The following PSKH1 variants were observed in gnomAD, a reference collection of about 807,000 sequenced individuals.
PSKH1 encodes the protein protein serine kinase H1, also known as serine/threonine-protein kinase H1.
In PSKH1, 12 loss-of-function variants were observed where a neutral mutation model predicts 26.7. The observed-to-expected ratio is 0.45, with a 90% CI of 0.29 to 0.73. The LOEUF is 0.73. PSKH1 is among the 30% of genes least tolerant of loss of function. The pLI, the probability that PSKH1 is intolerant of heterozygous loss-of-function variation, is 0.11. For missense variants in PSKH1, 431 were observed against 595.2 expected, an observed-to-expected ratio of 0.72 and a Z score of 2.87; for synonymous variants, 213 against 234.3, an observed-to-expected ratio of 0.91 and a Z score of 0.83.
intron 2 of PSKH1, among the ~76,000 whole-genome samples, chr16:67,923,847 C>T (rs2058209551): frequency 6.6e-6 from 1 of 152,244 alleles, no homozygotes; most frequent in Non-Finnish European, 1.5e-5. Flanking sequence ...GCTTCCCAGC[C>T]AGTCAGCCCT....
intron 2 of PSKH1, among the ~76,000 whole-genome samples, chr16:67,915,517 A>T: frequency 6.6e-6 from 1 of 151,948 alleles, no homozygotes; most frequent in Non-Finnish European, 1.5e-5. Context: ...GGCCCCACAA[A>T]ACCTGTTGAA....
chr16:67,894,404 T>A (rs1365500794), intron 1 of PSKH1, among the ~76,000 whole-genome samples: 2 of 152,220 alleles, frequency 1.3e-5, no homozygotes, highest in East Asian at 3.8e-4. Flanking sequence ...GCTCCTAACA[T>A]ATTGAGATTA....
chr16:67,927,264 C>T lies in PSKH1; in HGVS notation c.958-61C>T, dbSNP rs1237721399. On this transcript the variant is annotated intron_variant, in intron 2 of 2. Transcript: ENST00000291041. The surrounding 1 kb of genome is among the most constrained non-coding windows in gnomAD (Gnocchi z 5.5). ...GGGGAGGGTTGCTGAGTAGTGGCCTCATCCAGATGGGGTGGGCAGTGTCAG... is the reference window on the plus strand; with the variant it reads ...GGGGAGGGTTGCTGAGTAGTGGCCTTATCCAGATGGGGTGGGCAGTGTCAG... 6.7e-7 allele frequency: 1 copy of T among 1,503,224 alleles called. No homozygotes were observed. The highest frequency in any genetic ancestry group is 9.0e-7 in the Non-Finnish European group (1 of 1,105,810). The allele number at this position is 1,503,224 out of a possible 1,614,324, so 93.1% of individuals were successfully genotyped here.
rs2058168735 is a variant in PSKH1 at position 67,909,951 on chromosome 16, G to A, written c.957+245G>A. 2 of 566,164 alleles carry A rather than the reference G, an allele frequency of 3.5e-6. No homozygotes were observed. The highest frequency in any genetic ancestry group is 6.3e-6 in the Non-Finnish European group (2 of 317,854). The allele number at this position is 566,164 out of a possible 1,614,324, so 35.1% of individuals were successfully genotyped here. Reference sequence around the variant, plus strand: ...GATTTGAGTAACTAAAAGTGAAGGAGTGGGAAAAGTGAGGCAGGAAGGGAG... The same window carrying A: ...GATTTGAGTAACTAAAAGTGAAGGAATGGGAAAAGTGAGGCAGGAAGGGAG... On this transcript the variant is annotated intron_variant, in intron 2 of 2. Coordinates refer to ENST00000291041, the MANE Select transcript of PSKH1 (RefSeq NM_006742.3). The surrounding 1 kb of genome is among the most constrained non-coding windows in gnomAD (Gnocchi z 7.8).
intron 1 of PSKH1, among the ~76,000 whole-genome samples, chr16:67,908,095 C>T (rs575434816): frequency 6.0e-4 from 91 of 152,252 alleles, no homozygotes; most frequent in African/African-American, 1.5e-3. Flanking sequence ...TGAGGCTATG[C>T]GTGTTCCTGC....
intron 2 of PSKH1, among the ~76,000 whole-genome samples, chr16:67,924,869 G>A (rs2151315284): frequency 6.6e-6 from 1 of 152,264 alleles, no homozygotes; most frequent in African/African-American, 2.4e-5. Flanking sequence ...TGGGTGATGG[G>A]GGCTACAGTG....
At position 67,893,340 on chromosome 16, in the gene PSKH1, C is replaced by G. The variant is rs1321013263; in HGVS notation, c.-102C>G. On this transcript the variant is annotated 5_prime_UTR_variant, in exon 1 of 3. Transcript: ENST00000291041. Reference sequence around the variant, plus strand: ...GCCCGGAGATGGCCGGCAGAGCCGCCGAGACGCCGAAGAGCCCGCCGCCCG... The same window carrying G: ...GCCCGGAGATGGCCGGCAGAGCCGCGGAGACGCCGAAGAGCCCGCCGCCCG... 2 of 155,134 alleles carry G rather than the reference C, an allele frequency of 1.3e-5. No individual in the cohort carries two copies. Among genetic ancestry groups the G allele is most frequent in the East Asian group, 3.7e-4 (2 of 5,336 alleles). 9.6% of individuals were successfully genotyped at this position (155,134 alleles called of 1,614,324 possible).
Position 67,909,838 on chromosome 16 carries a change from C to T in PSKH1, c.957+132C>T, listed in dbSNP as rs1163672368. The T allele has an allele frequency of 1.3e-6, 1 of 789,632 alleles. No individual in the cohort carries two copies. The highest frequency in any genetic ancestry group is 1.7e-5 in the South Asian group (1 of 58,342). The allele number at this position is 789,632 out of a possible 1,614,324, so 48.9% of individuals were successfully genotyped here. On this transcript the variant is annotated intron_variant, in intron 2 of 2. Coordinates refer to ENST00000291041, the MANE Select transcript of PSKH1 (RefSeq NM_006742.3). The surrounding 1 kb of genome is among the most constrained non-coding windows in gnomAD (Gnocchi z 7.8). ...GGCCAGGCAGGTCATATAAAAGGGA[C>T]AAAGTGAGACTATCAGAATGTAGTT...
At chr16:67,903,432 A>C (rs2058147081) in intron 1 of PSKH1, among the ~76,000 whole-genome samples, 1 of 152,022 alleles carries the variant, frequency 6.6e-6, no homozygotes, top group South Asian at 2.1e-4. Flanking sequence ...GATTACAGGC[A>C]TGAGCCACTA....
In PSKH1 at chr16:67,924,525, G is replaced by A. The variant is rs1447445307; in HGVS notation, c.958-2800G>A. Among the ~76,000 whole-genome samples the A allele has an allele frequency of 3.3e-5, 5 of 152,208 alleles. No individual in the cohort carries two copies. In the East Asian group the frequency reaches 5.8e-4, roughly 18 times the overall value. On this transcript the variant is annotated intron_variant, in intron 2 of 2. Coordinates refer to ENST00000291041, the MANE Select transcript of PSKH1 (RefSeq NM_006742.3). ...GACTGGTTTGGAGTTTCAGGTCCAC[G>A]GTTTCGCTGGGTGTGGATGTGAAGT... is the stretch of plus-strand genomic sequence containing the variant.
At chr16:67,917,560 C>T (rs1255506027) in intron 2 of PSKH1, among the ~76,000 whole-genome samples, 4 of 152,218 alleles carry the variant, frequency 2.6e-5, no homozygotes, top group African/African-American at 9.7e-5. Flanking sequence ...TTTCTCTTGG[C>T]TTCTCCTGAG....
At position 67,908,697 on chromosome 16, in the gene PSKH1, C is replaced by T; in HGVS notation, c.-53C>T. 6.8e-7 allele frequency: 1 copy of T among 1,472,922 alleles called. No homozygotes were observed. Among genetic ancestry groups the T allele is most frequent in the Non-Finnish European group, 9.2e-7 (1 of 1,084,448 alleles). The allele number at this position is 1,472,922 out of a possible 1,614,324, so 91.2% of individuals were successfully genotyped here. A position where few individuals can be genotyped will look rare whatever the true frequency, so the allele number is the denominator to read the frequency against. ...GTGTGTAGGTGTAGACGGGGCACTG[C>T]CTTCAGAGCAGGTCCTGCCAGCCTC... On this transcript the variant is annotated 5_prime_UTR_variant, in exon 2 of 3. Transcript: ENST00000291041.
intron 1 of PSKH1, among the ~76,000 whole-genome samples, chr16:67,893,590 G>A (rs1208493574): frequency 9.2e-5 from 14 of 152,234 alleles, no homozygotes; most frequent in Non-Finnish European, 1.0e-4. Context: ...ACGTGCTGTC[G>A]TGCTGGATAG....
rs1236245758 is a variant in PSKH1 at position 67,908,978 on chromosome 16, C to T, written c.229C>T (p.Pro77Ser). The change falls in exon 2 of 3, where the codon CCA becomes TCA. Residue 77 changes from proline to serine, a missense_variant. Physicochemically the swap from Pro to Ser is moderately conservative, Grantham distance 74. Transcript: ENST00000291041. Reference sequence around the variant, plus strand: ...TGGCCACACGGAGCCTCCCTCAGAACCACCACGCAGGGCCAGGGTAGCTAA... The same window carrying T: ...TGGCCACACGGAGCCTCCCTCAGAATCACCACGCAGGGCCAGGGTAGCTAA... Reference protein sequence around the residue: ...TAGHTEPPSEPPRRARVAKYR... With the variant: ...TAGHTEPPSESPRRARVAKYR... 2 of 1,614,068 alleles carry T rather than the reference C, an allele frequency of 1.2e-6. No homozygotes were observed. Among genetic ancestry groups the T allele is most frequent in the African/African-American group, 1.3e-5 (1 of 75,068 alleles).
intron 2 of PSKH1, among the ~76,000 whole-genome samples, chr16:67,919,126 G>A (rs2058195246): frequency 1.3e-5 from 2 of 152,176 alleles, no homozygotes; most frequent in African/African-American, 4.8e-5. Context: ...AGCGCTGTCC[G>A]GGTGTCTGGA....
chr16:67,901,115 T>C (rs576600550), intron 1 of PSKH1, among the ~76,000 whole-genome samples: 1 of 152,172 alleles, frequency 6.6e-6, no homozygotes, highest in South Asian at 2.1e-4. Flanking sequence ...CAGCACCCTC[T>C]CTTCTCTACT....
chr16:67,929,600 C>T lies in PSKH1; in HGVS notation c.*1958C>T, dbSNP rs1134757. The T allele has an allele frequency of 2.7e-5, 8 of 295,278 alleles. No individual in the cohort carries two copies. The highest frequency in any genetic ancestry group is 1.5e-4 in the African/African-American group (7 of 47,338). The allele number at this position is 295,278 out of a possible 1,614,324, so 18.3% of individuals were successfully genotyped here. ...GGAGAATGTGCAGTTATTTATTATG[C>T]GTATTCAGTTTGTAAACGTATCCTC... On this transcript the variant is annotated 3_prime_UTR_variant, in exon 3 of 3. Coordinates refer to ENST00000291041, the MANE Select transcript of PSKH1 (RefSeq NM_006742.3).
In PSKH1 at chr16:67,927,609, C is replaced by T. The variant is rs1249789174; in HGVS notation, c.1242C>T (p.Leu414=). The change falls in exon 3 of 3, where the codon CTC becomes CTT. Residue 414 remains leucine (L), a synonymous_variant. Transcript: ENST00000291041. The surrounding 1 kb of genome is among the most constrained non-coding windows in gnomAD (Gnocchi z 5.5). ...TGCGGGAACGGGAGCTGCGGGAGCT[C>T]AACCTGCGCTACCAGCAGCAATACA... The part of the protein sequence containing the change: ...RRVRERELRE[L]NLRYQQQYNG 1 of 1,609,902 alleles carries T rather than the reference C, an allele frequency of 6.2e-7. No individual in the cohort carries two copies. The highest frequency in any genetic ancestry group is 8.5e-7 in the Non-Finnish European group (1 of 1,179,712).
intron 1 of PSKH1, among the ~76,000 whole-genome samples, chr16:67,898,310 C>T (rs2058132071): frequency 6.6e-6 from 1 of 152,056 alleles, no homozygotes; most frequent in Non-Finnish European, 1.5e-5. Flanking sequence ...GGGGCTGAGG[C>T]ACGAGAACCG....
Sources: allele counts gnomAD v4.1 joint callset (sites outside exome capture counted in the v4.1 genomes callset), GRCh38; gene constraint gnomAD v4.1.1; non-coding constraint Gnocchi (gnomAD v3.1); transcripts MANE v1.5; gene names NCBI Gene and HGNC (gene_info 2026-07-23, HGNC 2026-07-21).